TUSC3: variants seen among roughly 807,000 people sequenced by gnomAD.
TUSC3 encodes tumor suppressor candidate 3.
TUSC3 carries 45 observed loss-of-function variants against 44.8 expected under a neutral mutation model. The observed-to-expected ratio is 1.00, with a 90% CI of 0.79 to 1.29. TUSC3 has a LOEUF of 1.29. Ranked by LOEUF, TUSC3 falls within the 50% of genes most tolerant of loss-of-function variation. The pLI, the probability that TUSC3 is intolerant of heterozygous loss-of-function variation, is 0.00. For synonymous variants in TUSC3, 212 were observed against 152.9 expected, an observed-to-expected ratio of 1.39 and a Z score of -2.85; for missense variants, 519 against 437.9, an observed-to-expected ratio of 1.19 and a Z score of -1.65.
At chr8:15,531,048 CTG>C (rs1385543373) in intron 2 of TUSC3, among the ~76,000 whole-genome samples, 2 of 152,120 alleles carry the variant, frequency 1.3e-5, no homozygotes, top group Non-Finnish European at 2.9e-5. Context: ...AGTAAACACA[CTG>C]TGTGTGCTCA....
intron 1 of TUSC3, among the ~76,000 whole-genome samples, chr8:15,466,448 T>G (rs1001204571): frequency 6.6e-6 from 1 of 152,164 alleles, no homozygotes; most frequent in African/African-American, 2.4e-5. Context: ...AAGTCAAAGA[T>G]GAGTGCCCAA....
At chr8:15,488,966 C>G (rs758440274) in intron 2 of TUSC3, among the ~76,000 whole-genome samples, 1 of 152,194 alleles carries the variant, frequency 6.6e-6, no homozygotes, top group African/African-American at 2.4e-5. Flanking sequence ...CCAGTAATCT[C>G]AGTCTCTTGG....
At chr8:15,673,184 A>C (rs572117408) in intron 5 of TUSC3, among the ~76,000 whole-genome samples, 1 of 152,078 alleles carries the variant, frequency 6.6e-6, no homozygotes, top group Non-Finnish European at 1.5e-5. Flanking sequence ...CAGGTATATA[A>C]TCTTTGCGAG....
At chr8:15,458,664 A>G (rs550215893) in intron 1 of TUSC3, among the ~76,000 whole-genome samples, 1 of 152,340 alleles carries the variant, frequency 6.6e-6, no homozygotes, top group South Asian at 2.1e-4. Context: ...CCTGAGATCC[A>G]ATTTTAAAAG....
chr8:15,707,290 T>A (rs1362984154), intron 6 of TUSC3, among the ~76,000 whole-genome samples: 2 of 152,028 alleles, frequency 1.3e-5, no homozygotes, highest in African/African-American at 4.8e-5. Flanking sequence ...TGTGGTTATG[T>A]TGGACTTTTG....
At chr8:15,520,933 G>A (rs1801288753) in intron 2 of TUSC3, among the ~76,000 whole-genome samples, 1 of 152,208 alleles carries the variant, frequency 6.6e-6, no homozygotes, top group African/African-American at 2.4e-5. Flanking sequence ...AGTGGAGCCT[G>A]AAATAAAGGC....
At chr8:15,484,378 A>G (rs1800708545) in intron 2 of TUSC3, among the ~76,000 whole-genome samples, 1 of 152,202 alleles carries the variant, frequency 6.6e-6, no homozygotes, top group African/African-American at 2.4e-5. Context: ...TAGTTGCTTC[A>G]TTTGTGCTCA....
At chr8:15,576,105 AATG>A (rs1803094476) in intron 1 of TUSC3, among the ~76,000 whole-genome samples, 1 of 151,792 alleles carries the variant, frequency 6.6e-6, no homozygotes, top group African/African-American at 2.4e-5. Context: ...TTTTCTAATT[AATG>A]ATCTCTTGTT....
intron 5 of TUSC3, among the ~76,000 whole-genome samples, 176 bp downstream of exon 5, chr8:15,662,472 A>G (rs563285995): frequency 8.6e-6 from 1 of 116,112 alleles, no homozygotes; most frequent in South Asian, 2.7e-4. Flanking sequence ...AAACTGTGCT[A>G]TCTTCCTTCA....
At chr8:15,478,434 C>T (rs911088399) in intron 1 of TUSC3, among the ~76,000 whole-genome samples, 3 of 152,154 alleles carry the variant, frequency 2.0e-5, no homozygotes, top group Admixed American at 2.0e-4. Context: ...TCTCCCCCAA[C>T]TCCCGCCAAG....
intron 8 of TUSC3, among the ~76,000 whole-genome samples, chr8:15,747,033 C>G (rs2898424): frequency 0.2 from 30,937 of 151,924 alleles, 3,179 homozygotes; most frequent in East Asian, 0.27. Flanking sequence ...AGAGGCTACA[C>G]TTGGATGCTA....
intron 2 of TUSC3, among the ~76,000 whole-genome samples, chr8:15,516,378 ACC>A (rs1321076105): frequency 3.7e-4 from 56 of 152,286 alleles, no homozygotes; most frequent in African/African-American, 1.3e-3. Context: ...CTTCTTGCAG[ACC>A]ACTTCTCATT....
intron 3 of TUSC3, among the ~76,000 whole-genome samples, chr8:15,654,736 G>A (rs1181691065): frequency 6.6e-6 from 1 of 152,126 alleles, no homozygotes. Flanking sequence ...TATTGAGGTT[G>A]CAGTGAGCCG....
Position 15,468,800 on chromosome 8 carries a change from G to T in TUSC3, n.92-14586G>T, listed in dbSNP as rs567663234. ...GATTCAAGGGATTCCTCTCTGTCTT[G>T]AATATATAAATTAAGAAATATTTAC... On this transcript the variant is annotated intron_variant and non_coding_transcript_variant, in intron 1 of 5. Transcript: ENST00000503191. Among the ~76,000 whole-genome samples the T allele has an allele frequency of 1.4e-4, 22 of 152,024 alleles. 1 individual carries two copies. The highest frequency in any genetic ancestry group is 5.1e-4 in the African/African-American group (21 of 41,484).
chr8:15,573,202 C>CTCTATATATATATATA (rs1435847916), intron 1 of TUSC3, among the ~76,000 whole-genome samples: 2 of 74,194 alleles, frequency 2.7e-5, no homozygotes, highest in African/African-American at 1.1e-4. Flanking sequence ...CTCTCTCTCT[C>CTCTATATATATATATA]TATATATATA....
At chr8:15,706,793 A>G (rs963408689) in intron 6 of TUSC3, among the ~76,000 whole-genome samples, 4 of 151,952 alleles carry the variant, frequency 2.6e-5, no homozygotes, top group African/African-American at 9.7e-5. Context: ...CTTCCATTGT[A>G]CAATGACACT....
rs149726922 is a variant in TUSC3 at position 15,492,809 on chromosome 8, C to A, written n.189+9326C>A. Among the ~76,000 whole-genome samples the A allele has an allele frequency of 4.6e-3, 697 of 151,520 alleles. 4 individuals are homozygous for A. The highest frequency in any genetic ancestry group is 0.016 in the African/African-American group (675 of 41,338). On this transcript the variant is annotated intron_variant and non_coding_transcript_variant, in intron 2 of 5. Transcript: ENST00000503191. ...AAAAAAAAAAAGTGTAATAATATGT[C>A]ATTTAACAATATCCATATGAGTTTT...
At chr8:15,665,121 A>C (rs979226199) in intron 5 of TUSC3, among the ~76,000 whole-genome samples, 2 of 151,764 alleles carry the variant, frequency 1.3e-5, no homozygotes, top group Middle Eastern at 3.4e-3. Context: ...AAAAAAATGT[A>C]TATTTTTAAA....
At chr8:15,497,699 G>A (rs1800901724) in intron 2 of TUSC3, among the ~76,000 whole-genome samples, 1 of 151,798 alleles carries the variant, frequency 6.6e-6, no homozygotes, top group Admixed American at 6.6e-5. Flanking sequence ...GCACGCAAGA[G>A]AAGTTTTCTT....
Sources: allele counts gnomAD v4.1 joint callset (sites outside exome capture counted in the v4.1 genomes callset), GRCh38; gene constraint gnomAD v4.1.1; transcripts MANE v1.5; gene names NCBI Gene and HGNC (gene_info 2026-07-23, HGNC 2026-07-21).